Variants in ADGRL1 observed in about 807,000 individuals in gnomAD.
The protein encoded by ADGRL1 is CIRL-1.
ADGRL1 carries 31 observed loss-of-function variants against 148.9 expected under a neutral mutation model. The ratio of observed to expected loss-of-function variants is 0.21; its 90% CI spans 0.16 to 0.28. The LOEUF (loss-of-function observed/expected upper bound fraction) is 0.28. Ranked by LOEUF, ADGRL1 falls within the 10% of genes least tolerant of loss-of-function variation. The pLI is 1.00. For missense variants in ADGRL1, 1,521 were observed against 2,058.8 expected, an observed-to-expected ratio of 0.74 and a Z score of 5.05; for synonymous variants, 937 against 900.3, an observed-to-expected ratio of 1.04 and a Z score of -0.73.
intron 3 of ADGRL1, 50 bp from the exon 4 acceptor site, chr19:14,170,841 CG>C: frequency 6.7e-6 from 2 of 300,410 alleles, no homozygotes; most frequent in Non-Finnish European, 6.7e-6. Context: ...GACGGGGTGG[CG>C]GGGGTGGGGG....
At chr19:14,166,235 C>T (rs943975165) in intron 4 of ADGRL1, among the ~76,000 whole-genome samples, 3 of 151,984 alleles carry the variant, frequency 2.0e-5, no homozygotes, top group Admixed American at 6.6e-5. Context: ...GGCCCGCCCC[C>T]GCCCCCTCGC....
chr19:14,177,547 T>C lies in ADGRL1; in HGVS notation c.268A>G (p.Lys90Glu), dbSNP rs754484823. 1 of 1,614,176 alleles carries C rather than the reference T, an allele frequency of 6.2e-7. No homozygotes were observed. Reference protein sequence around the residue: ...NVQCYLPDAFKIMSQRCNNRT... With the variant: ...NVQCYLPDAFEIMSQRCNNRT... The stretch of plus-strand genomic sequence containing the variant: ...CCCACTCACCTCTGTGACATGATCT[T>C]GAAGGCGTCCGGCAGGTAGCACTGC... Residue 90 changes from lysine (K) to glutamate (E), a missense_variant, in exon 3 of 23, where the codon AAG becomes GAG. Physicochemically the swap from Lys to Glu is moderately conservative, Grantham distance 56 (BLOSUM62 1). Around this residue, in one of 8 missense-constraint regions of ADGRL1, gnomAD observed 334 missense variants for 512.5 expected, o/e 0.65. Transcript: ENST00000361434.
intron 4 of ADGRL1, chr19:14,167,092 AAG>A: frequency 3.5e-6 from 5 of 1,413,024 alleles, no homozygotes; most frequent in Non-Finnish European, 5.0e-6. Context: ...GCAAGAAAAA[AAG>A]AGAAAAAAAA....
In ADGRL1 at chr19:14,162,619, G is replaced by T; in HGVS notation, c.1182C>A (p.Pro394=). The T allele has an allele frequency of 1.2e-6, 2 of 1,606,210 alleles. No homozygotes were observed. Among genetic ancestry groups the T allele is most frequent in the Non-Finnish European group, 8.5e-7 (1 of 1,174,166 alleles). Residue 394 remains proline (P), a synonymous_variant, in exon 5 of 23, where the codon CCC becomes CCA. Coordinates refer to ENST00000361434, the MANE Select transcript of ADGRL1 (RefSeq NM_014921.5). This position sits in a 1 kb window ranked among gnomAD's most constrained non-coding sequence, Gnocchi z 5.4. Reference sequence around the variant, plus strand: ...AGTCGTCCTCACCAGCACTGGGGTCGGGCGGCCCGAACTCCAGGCTGTAGC... The same window carrying T: ...AGTCGTCCTCACCAGCACTGGGGTCTGGCGGCCCGAACTCCAGGCTGTAGC... ...VVRYSLEFGP[P]DPSAGPATSP...
At chr19:14,202,021 G>T (rs760037658) in intron 1 of ADGRL1, among the ~76,000 whole-genome samples, 5 of 152,048 alleles carry the variant, frequency 3.3e-5, no homozygotes, top group Non-Finnish European at 7.4e-5. Flanking sequence ...CTGGGGAAGG[G>T]TCCTCCGTGG....
At chr19:14,191,046 C>T (rs1350079973) in intron 1 of ADGRL1, 4 of 437,210 alleles carry the variant, frequency 9.1e-6, no homozygotes, top group Non-Finnish European at 1.9e-5. Flanking sequence ...CAAGATCACG[C>T]CACCGACTCT....
Position 14,160,069 on chromosome 19 carries a change from G to A in ADGRL1, c.1800+43C>T, listed in dbSNP as rs760542891. 6.5e-7 allele frequency: 1 copy of A among 1,533,484 alleles called. No homozygotes were observed. The highest frequency in any genetic ancestry group is 1.2e-5 in the South Asian group (1 of 81,754). The allele number at this position is 1,533,484 out of a possible 1,614,324, so 95.0% of individuals were successfully genotyped here. On this transcript the variant is annotated intron_variant, in intron 8 of 22. Coordinates refer to ENST00000361434, the MANE Select transcript of ADGRL1 (RefSeq NM_014921.5). The surrounding 1 kb of genome is among the most constrained non-coding windows in gnomAD (Gnocchi z 5.9). ...GGTACTTCCCAAGCCCCTGGGGGCAGGCGCCCTCCCCATACCAGGTCAGCG... is the reference window on the plus strand; with the variant it reads ...GGTACTTCCCAAGCCCCTGGGGGCAAGCGCCCTCCCCATACCAGGTCAGCG...
intron 1 of ADGRL1, among the ~76,000 whole-genome samples, chr19:14,195,164 T>G (rs1019373692): frequency 3.3e-5 from 5 of 152,012 alleles, no homozygotes; most frequent in African/African-American, 1.2e-4. Context: ...GGATTACAGG[T>G]GTACCCAGGA....
rs760795236 is a variant in ADGRL1 at position 14,152,093 on chromosome 19, C to T, written c.3667+40G>A. The T allele has an allele frequency of 1.3e-5, 20 of 1,593,546 alleles. No homozygotes were observed. The highest frequency in any genetic ancestry group is 1.6e-5 in the Non-Finnish European group (19 of 1,161,410). Reference sequence around the variant, plus strand: ...TGAGAAGGCCACTGTCTGTCCCTCTCCCAGCCTCAGAAACATCCCCAGGGA... The same window carrying T: ...TGAGAAGGCCACTGTCTGTCCCTCTTCCAGCCTCAGAAACATCCCCAGGGA... On this transcript the variant is annotated intron_variant, in intron 22 of 22. Coordinates refer to ENST00000361434, the MANE Select transcript of ADGRL1 (RefSeq NM_014921.5). This position sits in a 1 kb window ranked among gnomAD's most constrained non-coding sequence, Gnocchi z 6.1.
At chr19:14,165,088 C>T (rs143451621) in intron 4 of ADGRL1, among the ~76,000 whole-genome samples, 2,383 of 152,298 alleles carry the variant, frequency 0.016, 37 homozygotes, top group Middle Eastern at 0.041. Context: ...CCTCATTCCC[C>T]ACCTCCAGCA....
At chr19:14,191,524 C>T (rs952866392) in intron 1 of ADGRL1, 4 of 444,980 alleles carry the variant, frequency 9.0e-6, no homozygotes, top group Admixed American at 2.4e-5. Context: ...ATAGACTGCG[C>T]GGCTTACACA....
chr19:14,198,251 G>A (rs551839612), intron 1 of ADGRL1, among the ~76,000 whole-genome samples: 101 of 152,178 alleles, frequency 6.6e-4, no homozygotes, highest in East Asian at 1.7e-3. Context: ...GGGAGCCATC[G>A]GGAATCCTGA....
intron 4 of ADGRL1, chr19:14,167,068 G>GA (rs759635570): frequency 5.6e-3 from 7,842 of 1,389,340 alleles, no homozygotes; most frequent in Non-Finnish European, 6.7e-3. Flanking sequence ...AAAACAAATT[G>GA]AAAAAAAAAA....
intron 1 of ADGRL1, among the ~76,000 whole-genome samples, chr19:14,200,332 T>TA (rs1230307438): frequency 1.3e-5 from 2 of 152,200 alleles, no homozygotes; most frequent in Non-Finnish European, 2.9e-5. Context: ...CCTTGTACTT[T>TA]AAACACACAA....
In ADGRL1 at chr19:14,151,624, C is replaced by A; in HGVS notation, c.3668-9G>T. The A allele has an allele frequency of 1.3e-6, 2 of 1,582,864 alleles. No homozygotes were observed. Among genetic ancestry groups the A allele is most frequent in the Non-Finnish European group, 1.7e-6 (2 of 1,171,708 alleles). On this transcript the variant is annotated splice_polypyrimidine_tract_variant and intron_variant, in intron 22 of 22. Coordinates refer to ENST00000361434, the MANE Select transcript of ADGRL1 (RefSeq NM_014921.5). ...GCCTCCCAAGGGGTGCTCTGCAGGG[C>A]AGAAAGGGGCTGGTCAGGTTGAAGA... is the stretch of plus-strand genomic sequence containing the variant.
chr19:14,165,484 GAGA>G (rs1969868744), intron 4 of ADGRL1, among the ~76,000 whole-genome samples: 2 of 152,160 alleles, frequency 1.3e-5, no homozygotes, highest in African/African-American at 4.8e-5. Flanking sequence ...GGGGAAGGGG[GAGA>G]AGATGAGGAA....
In ADGRL1 at chr19:14,163,468, GAGAGAGA is replaced by G; in HGVS notation, c.395-69_395-63del. On this transcript the variant is annotated intron_variant, in intron 4 of 22. Coordinates refer to ENST00000361434, the MANE Select transcript of ADGRL1 (RefSeq NM_014921.5). The stretch of plus-strand genomic sequence containing the variant: ...GAAGGGGCAGAGGCGAGAGGGAGGA[GAGAGAGA>G]GAGAGAGAGAGAGAGAGAGAGAGGG... 9.2e-6 allele frequency: 4 copies of G among 435,100 alleles called. No individual in the cohort carries two copies. The Admixed American group carries it at 2.7e-4, about 29-fold the overall frequency. 27.0% of individuals were successfully genotyped at this position (435,100 alleles called of 1,614,324 possible). A position where few individuals can be genotyped will look rare whatever the true frequency, so the allele number is the denominator to read the frequency against.
rs1303118085 is a variant in ADGRL1, at chr19:14,159,514, G to C, written c.1910C>G (p.Thr637Arg). 1.2e-6 allele frequency: 2 copies of C among 1,612,638 alleles called. No individual in the cohort carries two copies. Among genetic ancestry groups the C allele is most frequent in the Non-Finnish European group, 1.7e-6 (2 of 1,179,320 alleles). The stretch of plus-strand genomic sequence containing the variant: ...CATGGTGGCCGTGTGCACCTGCTCC[G>C]TGGCATTCATGTCCTTCCAGGACTC... The part of the protein sequence containing the change: ...ALESWKDMNA[T>R]EQVHTATMLL... The change falls in exon 10 of 23, where the codon ACG becomes AGG. Residue 637 changes from threonine (T) to arginine (R), a missense_variant. Thr to Arg is a moderately conservative substitution (Grantham distance 71). This residue lies in a region of ADGRL1 where 265 missense variants were observed against 431.9 expected (regional missense o/e 0.61). Transcript: ENST00000361434. This position sits in a 1 kb window ranked among gnomAD's most constrained non-coding sequence, Gnocchi z 6.0.
intron 22 of ADGRL1, 54 bp from the exon 23 acceptor site, chr19:14,151,669 G>A (rs1968214050): frequency 6.7e-7 from 1 of 1,492,438 alleles, no homozygotes; most frequent in Non-Finnish European, 8.9e-7. Flanking sequence ...GATGCACTAG[G>A]GGACAGTGAG....
Sources: allele counts gnomAD v4.1 joint callset (sites outside exome capture counted in the v4.1 genomes callset), GRCh38; gene constraint gnomAD v4.1.1; regional missense constraint gnomAD v4.1.1; non-coding constraint Gnocchi (gnomAD v3.1); transcripts MANE v1.5; gene names NCBI Gene and HGNC (gene_info 2026-07-23, HGNC 2026-07-21).